The following NR2C1 variants were observed in gnomAD, a reference collection of about 807,000 sequenced individuals.
NR2C1 encodes the protein TR2 nuclear hormone receptor.
Under a neutral mutation model 74.8 loss-of-function variants are expected in NR2C1, and 33 were observed. The ratio of observed to expected loss-of-function variants is 0.44; its 90% CI spans 0.33 to 0.59. NR2C1 has a LOEUF of 0.59. Ranked by LOEUF, NR2C1 falls within the 20% of genes least tolerant of loss-of-function variation. The pLI is 0.02. For missense variants in NR2C1, 568 were observed against 715.6 expected (o/e 0.79, Z 2.35); for synonymous variants, 225 against 240.6 (o/e 0.94, Z 0.60).
At chr12:95,053,094 C>T (rs943105298) in intron 7 of NR2C1, among the ~76,000 whole-genome samples, 3 of 151,962 alleles carry the variant, frequency 2.0e-5, no homozygotes, top group African/African-American at 7.3e-5. Context: ...AGTGATCTTC[C>T]CACCTCAGCC....
intron 13 of NR2C1, 96 bp downstream of exon 13, chr12:95,025,054 A>C (rs572522067): frequency 1.0e-4 from 56 of 558,794 alleles, no homozygotes; most frequent in African/African-American, 8.6e-4. Context: ...AGGTTGCCTA[A>C]AACATTTAAT....
intron 10 of NR2C1, among the ~76,000 whole-genome samples, chr12:95,036,156 A>G (rs1371899840): frequency 6.6e-6 from 1 of 152,174 alleles, no homozygotes; most frequent in East Asian, 1.9e-4. Flanking sequence ...TGTTAGGAAA[A>G]TAAATGACTA....
chr12:95,042,951 A>G (rs1433167852), intron 9 of NR2C1, among the ~76,000 whole-genome samples: 3 of 150,380 alleles, frequency 2.0e-5, no homozygotes, highest in Admixed American at 6.6e-5. Flanking sequence ...AAAAAAAAAA[A>G]CCGACACACA....
chr12:95,045,903 A>G (rs1326461980), intron 9 of NR2C1, among the ~76,000 whole-genome samples: 1 of 152,020 alleles, frequency 6.6e-6, no homozygotes, highest in East Asian at 1.9e-4. Flanking sequence ...CAGTGATGCA[A>G]TCTTGGCTCA....
At chr12:95,037,303 C>CT (rs1870966137) in intron 10 of NR2C1, among the ~76,000 whole-genome samples, 1 of 152,198 alleles carries the variant, frequency 6.6e-6, no homozygotes, top group Non-Finnish European at 1.5e-5. Flanking sequence ...CTGAATTACT[C>CT]TAAGTACTGA....
At chr12:95,035,807 CTTT>C (rs1870748145) in intron 10 of NR2C1, among the ~76,000 whole-genome samples, 1 of 152,176 alleles carries the variant, frequency 6.6e-6, no homozygotes, top group Admixed American at 6.5e-5. Context: ...AAAAGATGGT[CTTT>C]AAGAGAATGA....
At chr12:95,068,689 G>A (rs185245505) in intron 1 of NR2C1, among the ~76,000 whole-genome samples, 153 of 152,196 alleles carry the variant, frequency 1.0e-3, no homozygotes, top group African/African-American at 3.6e-3. Flanking sequence ...AGCTACTCAG[G>A]AGGCTGAGGC....
chr12:95,026,314 G>T (rs1869359484), intron 12 of NR2C1, among the ~76,000 whole-genome samples: 1 of 151,382 alleles, frequency 6.6e-6, no homozygotes. Flanking sequence ...AGGTATATAA[G>T]AAATTATGAA....
At position 95,062,518 on chromosome 12, in the gene NR2C1, T is replaced by C; in HGVS notation, c.275A>G (p.Gln92Arg). 1 of 1,604,730 alleles carries C rather than the reference T, an allele frequency of 6.2e-7. No homozygotes were observed. The highest frequency in any genetic ancestry group is 2.2e-5 in the East Asian group (1 of 44,632). ...LFFTTPDLSA[Q>R]HLQLLTDNSP... Reference sequence around the variant, plus strand: ...TCTATAGTTATTTACCTGCAGGTGTTGTGCAGACAGATCAGGAGTGGTAAA... The same window carrying C: ...TCTATAGTTATTTACCTGCAGGTGTCGTGCAGACAGATCAGGAGTGGTAAA... The change falls in exon 3 of 14, where the codon CAA becomes CGA. Residue 92 changes from glutamine to arginine, a missense_variant. Coordinates refer to ENST00000333003, the MANE Select transcript of NR2C1 (RefSeq NM_003297.4).
chr12:95,070,221 T>G (rs1876397942), intron 1 of NR2C1, among the ~76,000 whole-genome samples: 2 of 152,190 alleles, frequency 1.3e-5, no homozygotes, highest in South Asian at 4.1e-4. Flanking sequence ...AACCTCTGCC[T>G]CCCAGGTTCA....
chr12:95,056,509 T>C (rs1367715148), intron 7 of NR2C1, among the ~76,000 whole-genome samples: 2 of 152,220 alleles, frequency 1.3e-5, no homozygotes, highest in Non-Finnish European at 1.5e-5. Flanking sequence ...AGGAGAGCTC[T>C]TGCAGTCCTA....
chr12:95,059,917 T>A lies in NR2C1; in HGVS notation c.353A>T (p.Asp118Val). 6.3e-7 allele frequency: 1 copy of A among 1,588,182 alleles called. No homozygotes were observed. Among genetic ancestry groups the A allele is most frequent in the Non-Finnish European group, 8.5e-7 (1 of 1,172,672 alleles). The part of the protein sequence containing the change: ...KVFDLCVVCG[D>V]KASGRHYGAV... Reference sequence around the variant, plus strand: ...ATTCTTAATGTTACCTGATGCTTTGTCTCCACATACTACGCAAAGATCAAA... The same window carrying A: ...ATTCTTAATGTTACCTGATGCTTTGACTCCACATACTACGCAAAGATCAAA... Residue 118 changes from aspartate to valine, a missense_variant, in exon 4 of 14, where the codon GAC becomes GTC. Asp to Val is a radical substitution (Grantham distance 152). Transcript: ENST00000333003.
intron 10 of NR2C1, among the ~76,000 whole-genome samples, chr12:95,034,283 C>T (rs1334575092): frequency 6.6e-6 from 1 of 152,060 alleles, no homozygotes; most frequent in Non-Finnish European, 1.5e-5. Context: ...AAGAAACTGC[C>T]TGTCATTTGA....
In NR2C1 at chr12:95,050,186, AAAT is replaced by A. The variant is rs1872787925; in HGVS notation, c.966-956_966-954del. ...AGAATAATAACAAACTAATGTTAGC[AAAT>A]AATTACTCAAAATAGTTCCCCATAT... On this transcript the variant is annotated intron_variant, in intron 8 of 13. Coordinates refer to ENST00000333003, the MANE Select transcript of NR2C1 (RefSeq NM_003297.4). 2.0e-5 allele frequency among the ~76,000 whole-genome samples: 3 copies of A among 152,340 alleles called. No homozygotes were observed. The South Asian group carries it at 6.2e-4, about 32-fold the overall frequency.
At chr12:95,047,062 A>G (rs1195941532) in intron 9 of NR2C1, among the ~76,000 whole-genome samples, 1 of 152,216 alleles carries the variant, frequency 6.6e-6, no homozygotes, top group Non-Finnish European at 1.5e-5. Context: ...TTGAGGACCA[A>G]CATTAACAAT....
intron 12 of NR2C1, 78 bp from the exon 13 acceptor site, chr12:95,025,333 A>C: frequency 2.7e-6 from 2 of 736,274 alleles, no homozygotes; most frequent in Non-Finnish European, 4.4e-6. Context: ...AAGAGACAGA[A>C]AGAATAGTCA....
In NR2C1 at chr12:95,060,886, T is replaced by C. The variant is rs557579715; in HGVS notation, c.286-902A>G. Among the ~76,000 whole-genome samples the C allele has an allele frequency of 4.6e-5, 7 of 152,316 alleles. No homozygotes were observed. In the East Asian group the frequency reaches 7.7e-4, roughly 17 times the overall value. On this transcript the variant is annotated intron_variant, in intron 3 of 13. Coordinates refer to ENST00000333003, the MANE Select transcript of NR2C1 (RefSeq NM_003297.4). ...TAATATATAGCATCATTTCTTCTTA[T>C]ATCACCACAAAAATCAGTCTTCAGT...
chr12:95,026,286 T>C (rs1029084333), intron 12 of NR2C1, among the ~76,000 whole-genome samples: 3 of 151,438 alleles, frequency 2.0e-5, no homozygotes, highest in African/African-American at 7.3e-5. Context: ...AAGTCAAAAA[T>C]TCTATTTTTA....
At chr12:95,067,006 G>A in intron 2 of NR2C1, 1 of 317,084 alleles carries the variant, frequency 3.2e-6, no homozygotes, top group South Asian at 4.9e-5. Flanking sequence ...CCAAAACTAG[G>A]CTCAGATTGT....
Sources: allele counts gnomAD v4.1 joint callset (sites outside exome capture counted in the v4.1 genomes callset), GRCh38; gene constraint gnomAD v4.1.1; transcripts MANE v1.5; gene names NCBI Gene and HGNC (gene_info 2026-07-23, HGNC 2026-07-21).